The following PRP4K variants were observed in gnomAD, a reference collection of about 807,000 sequenced individuals.
PRP4K encodes the protein pre-mRNA processing factor kinase PRP4K.
chr6:4,060,341 A>C, the PRP4K span: 9 of 1,395,474 alleles, frequency 6.4e-6, no homozygotes, highest in Admixed American at 1.3e-4. This position sits in a 1 kb window ranked among gnomAD's most constrained non-coding sequence, Gnocchi z 4.7. Flanking sequence ...GATAGACCCC[A>C]AAACAATCTG....
At chr6:4,036,552 ACT>A in the PRP4K span, among the ~76,000 whole-genome samples, 7 of 151,752 alleles carry the variant, frequency 4.6e-5, 1 homozygote, top group East Asian at 7.8e-4. Context: ...ACAAGTTCTC[ACT>A]CTGTCACTTG....
At chr6:4,045,645 GTTC>G in the PRP4K span, among the ~76,000 whole-genome samples, 1 of 152,098 alleles carries the variant, frequency 6.6e-6, no homozygotes, top group African/African-American at 2.4e-5. Flanking sequence ...GAAAAATTTA[GTTC>G]TTAACATGAT....
chr6:4,032,714 A>G, the PRP4K span: 603 of 1,590,632 alleles, frequency 3.8e-4, 1 homozygote, highest in Non-Finnish European at 4.8e-4. Flanking sequence ...CCTTAGAAAG[A>G]AAACGACGAG....
the PRP4K span, among the ~76,000 whole-genome samples, chr6:4,057,907 C>T: frequency 6.6e-6 from 1 of 152,050 alleles, no homozygotes; most frequent in Non-Finnish European, 1.5e-5. Context: ...AGCCACCGCA[C>T]CCGGCTGTAA....
chr6:4,043,549 GAC>G, the PRP4K span, among the ~76,000 whole-genome samples: 2 of 152,110 alleles, frequency 1.3e-5, no homozygotes, highest in Non-Finnish European at 2.9e-5. Context: ...GAGAAAATAA[GAC>G]AATAAATGGT....
the PRP4K span, among the ~76,000 whole-genome samples, chr6:4,027,611 G>GGGGGGTT: frequency 1.1e-5 from 1 of 88,742 alleles, no homozygotes; most frequent in Admixed American, 1.3e-4. Context: ...GGGGGGGTGG[G>GGGGGGTT]GTGGGGGTTG....
At chr6:4,043,412 A>C in the PRP4K span, among the ~76,000 whole-genome samples, 1 of 152,050 alleles carries the variant, frequency 6.6e-6, no homozygotes, top group Non-Finnish European at 1.5e-5. Flanking sequence ...GGAACTCAGA[A>C]ATTTTTGAGT....
the PRP4K span, among the ~76,000 whole-genome samples, chr6:4,051,788 G>T: frequency 2.0e-5 from 3 of 152,258 alleles, no homozygotes; most frequent in East Asian, 5.8e-4. Flanking sequence ...AGTGTTATGT[G>T]AATGATATAT....
chr6:4,036,192 A>G, the PRP4K span, among the ~76,000 whole-genome samples: 3 of 152,154 alleles, frequency 2.0e-5, no homozygotes, highest in African/African-American at 4.8e-5. Flanking sequence ...TACTTGTGTG[A>G]TAAGTGTTGA....
chr6:4,045,508 A>G, the PRP4K span, among the ~76,000 whole-genome samples: 1 of 152,230 alleles, frequency 6.6e-6, no homozygotes, highest in African/African-American at 2.4e-5. Flanking sequence ...GGGCCTTTGC[A>G]CTGGACAAAG....
the PRP4K span, chr6:4,060,858 T>TA: frequency 2.0e-6 from 1 of 498,454 alleles, no homozygotes; most frequent in Non-Finnish European, 3.6e-6. This position sits in a 1 kb window ranked among gnomAD's most constrained non-coding sequence, Gnocchi z 4.7. Flanking sequence ...ATTACAGTGC[T>TA]AATGTATATG....
At chr6:4,021,626 C>T in the PRP4K span, among the ~76,000 whole-genome samples, 1 of 152,222 alleles carries the variant, frequency 6.6e-6, no homozygotes, top group South Asian at 2.1e-4. Context: ...AGCAGGCGGC[C>T]TTCGAGCTTC....
the PRP4K span, chr6:4,043,809 A>G: frequency 6.2e-7 from 1 of 1,613,204 alleles, no homozygotes; most frequent in Middle Eastern, 1.7e-4. Flanking sequence ...TATTGTTATT[A>G]CAGAAATATA....
the PRP4K span, chr6:4,021,462 C>A: frequency 1.3e-6 from 2 of 1,583,392 alleles, no homozygotes; most frequent in South Asian, 2.3e-5. Context: ...ACGGGAGCAG[C>A]CAGAGTAAGT....
the PRP4K span, among the ~76,000 whole-genome samples, chr6:4,062,921 G>A: frequency 6.6e-6 from 1 of 151,966 alleles, no homozygotes; most frequent in South Asian, 2.1e-4. This position sits in a 1 kb window ranked among gnomAD's most constrained non-coding sequence, Gnocchi z 4.2. Flanking sequence ...ACCCAAAGTA[G>A]TTGACAATTT....
the PRP4K span, chr6:4,032,636 T>C: frequency 6.2e-7 from 1 of 1,614,108 alleles, no homozygotes; most frequent in Admixed American, 1.7e-5. Flanking sequence ...TTTTGAATGA[T>C]AGAAGATCTA....
the PRP4K span, chr6:4,032,369 A>G: frequency 6.2e-7 from 1 of 1,614,140 alleles, no homozygotes; most frequent in Non-Finnish European, 8.5e-7. Flanking sequence ...ATGAAAGTAG[A>G]AGTCGCGATC....
At chr6:4,021,330 C>G in the PRP4K span, 1 of 1,511,972 alleles carries the variant, frequency 6.6e-7, no homozygotes, top group Non-Finnish European at 9.0e-7. Context: ...ACGGTCGGCA[C>G]ATGCGCGGCA....
chr6:4,060,741 G>T, the PRP4K span: 3 of 846,474 alleles, frequency 3.5e-6, no homozygotes, highest in Non-Finnish European at 5.5e-6. This position sits in a 1 kb window ranked among gnomAD's most constrained non-coding sequence, Gnocchi z 4.7. Context: ...TGATATATTT[G>T]AATTAACACC....
Sources: gnomAD v4.1 joint callset for allele counts (sites outside exome capture counted in the v4.1 genomes callset) on GRCh38, gnomAD v4.1.1 for gene constraint, Gnocchi (gnomAD v3.1) non-coding constraint, MANE v1.5 for transcripts, NCBI Gene and HGNC (gene_info 2026-07-23, HGNC 2026-07-21) for gene names.